The following NLRP2 variants were observed in gnomAD, a reference collection of about 807,000 sequenced individuals.
The protein encoded by NLRP2 is NLR family pyrin domain containing 2.
Under a neutral mutation model 97.2 loss-of-function variants are expected in NLRP2, and 107 were observed. The observed-to-expected ratio is 1.10, with a 90% CI of 0.94 to 1.29. NLRP2 has a LOEUF of 1.29. Ranked by LOEUF, NLRP2 falls within the 50% of genes most tolerant of loss-of-function variation. NLRP2 has a pLI of 0.00. For missense variants in NLRP2, 1,495 were observed against 1,330.3 expected (o/e 1.12, Z -1.93); for synonymous variants, 663 against 551.5 (o/e 1.20, Z -2.83).
intron 12 of NLRP2, among the ~76,000 whole-genome samples, chr19:54,998,066 G>T (rs2072940357): frequency 1.5e-5 from 2 of 136,106 alleles, no homozygotes; most frequent in South Asian, 4.6e-4. Flanking sequence ...TCACTCTGTT[G>T]CCCAGGCTGG....
chr19:54,993,228 A>AAC (rs2072603659), intron 10 of NLRP2: 1 of 151,026 alleles, frequency 6.6e-6, no homozygotes, highest in Admixed American at 6.7e-5. Context: ...AAAAAAAAAA[A>AAC]AAAAAAGTTT....
Position 55,000,801 on chromosome 19 carries a change from T to C in NLRP2, c.3092T>C (p.Leu1031Pro), listed in dbSNP as rs986416135. Residue 1031 changes from leucine to proline, a missense_variant, in exon 13 of 13, where the codon CTG becomes CCG. Coordinates refer to ENST00000448584, the MANE Select transcript of NLRP2 (RefSeq NM_017852.5). ...DDFNDELNKL[L>P]EEIEEKNPQL... is the part of the protein sequence containing the mutation. ...TTTAATGATGAACTCAATAAGCTGC[T>C]GGAAGAAATAGAAGAAAAAAACCCA... The C allele has an allele frequency of 1.2e-6, 2 of 1,613,626 alleles. No homozygotes were observed. Among genetic ancestry groups the C allele is most frequent in the Non-Finnish European group, 1.7e-6 (2 of 1,179,758 alleles).
chr19:54,987,602 C>T (rs28731140), intron 8 of NLRP2, among the ~76,000 whole-genome samples: 1 of 152,010 alleles, frequency 6.6e-6, no homozygotes, highest in Admixed American at 6.6e-5. Context: ...ATTAGCTGGG[C>T]ATGTTGGCGC....
At chr19:54,995,920 C>G (rs1021728169) in intron 11 of NLRP2, among the ~76,000 whole-genome samples, 1 of 151,662 alleles carries the variant, frequency 6.6e-6, no homozygotes, top group African/African-American at 2.4e-5. Context: ...TGTACCTCTG[C>G]TCCCAGTTAC....
intron 12 of NLRP2, among the ~76,000 whole-genome samples, chr19:55,000,066 C>T (rs1166590664): frequency 1.3e-5 from 2 of 151,758 alleles, no homozygotes; most frequent in African/African-American, 4.8e-5. Context: ...AAAAAATAAG[C>T]AAATCAAGCC....
At chr19:54,975,744 G>A (rs549932995) in intron 3 of NLRP2, among the ~76,000 whole-genome samples, 2 of 150,844 alleles carry the variant, frequency 1.3e-5, no homozygotes, top group Non-Finnish European at 3.0e-5. Context: ...GAGCCACCGC[G>A]CCCGGCCCCT....
Position 54,985,221 on chromosome 19 carries a change from A to C in NLRP2, c.2201+4A>C. Reference sequence around the variant, plus strand: ...CCTGTCATCTCCAGAGAGTGGTGTAAGTAGAAACTAATTCATGAACTCAAA... The same window carrying C: ...CCTGTCATCTCCAGAGAGTGGTGTACGTAGAAACTAATTCATGAACTCAAA... On this transcript the variant is annotated splice_donor_region_variant and intron_variant, in intron 7 of 12. Transcript: ENST00000448584. 6.2e-7 allele frequency: 1 copy of C among 1,613,442 alleles called. No individual in the cohort carries two copies. Among genetic ancestry groups the C allele is most frequent in the South Asian group, 1.1e-5 (1 of 91,074 alleles).
Position 54,985,070 on chromosome 19 carries a change from T to C in NLRP2, c.2054T>C (p.Leu685Pro), listed in dbSNP as rs1189013526. 1.2e-6 allele frequency: 2 copies of C among 1,614,166 alleles called. No individual in the cohort carries two copies. Among genetic ancestry groups the C allele is most frequent in the Admixed American group, 1.7e-5 (1 of 59,994 alleles). The change falls in exon 7 of 13, where the codon CTT becomes CCT. Residue 685 changes from leucine to proline, a missense_variant. Coordinates refer to ENST00000448584, the MANE Select transcript of NLRP2 (RefSeq NM_017852.5). ...VERSQDDQHM[L>P]PFWTDLCSIF... Reference sequence around the variant, plus strand: ...AGATCCCAGGATGATCAGCACATGCTTCCTTTCTGGACGGACCTTTGTTCC... The same window carrying C: ...AGATCCCAGGATGATCAGCACATGCCTCCTTTCTGGACGGACCTTTGTTCC...
intron 2 of NLRP2, among the ~76,000 whole-genome samples, chr19:54,970,919 C>A (rs1168500045): frequency 7.0e-6 from 1 of 142,786 alleles, no homozygotes; most frequent in Non-Finnish European, 1.5e-5. Flanking sequence ...GCGCTGCACC[C>A]ACTAACTCGT....
intron 8 of NLRP2, among the ~76,000 whole-genome samples, chr19:54,989,130 G>A (rs145932244): frequency 6.4e-4 from 97 of 151,876 alleles, no homozygotes; most frequent in African/African-American, 2.2e-3. Context: ...TCTAACTTTT[G>A]TATGTTTAGT....
At chr19:54,967,235 C>T (rs556350902) in intron 1 of NLRP2, among the ~76,000 whole-genome samples, 6 of 152,074 alleles carry the variant, frequency 3.9e-5, no homozygotes, top group Non-Finnish European at 7.4e-5. Flanking sequence ...GTAATCGCAG[C>T]GCTTTGGGAG....
chr19:54,967,328 T>G (rs149467239), intron 1 of NLRP2, among the ~76,000 whole-genome samples: 1 of 151,898 alleles, frequency 6.6e-6, no homozygotes, highest in East Asian at 1.9e-4. Flanking sequence ...ACTAAAAATA[T>G]AAAATTAGGT....
At chr19:54,984,500 T>TTTTTTTTTTTTTTTA (rs764786892) in intron 6 of NLRP2, among the ~76,000 whole-genome samples, 1 of 132,852 alleles carries the variant, frequency 7.5e-6, no homozygotes, top group Non-Finnish European at 1.6e-5. Flanking sequence ...TTTTTTTTTT[T>TTTTTTTTTTTTTTTA]GAGACGGAGT....
chr19:55,000,288 T>TGAGA, intron 12 of NLRP2, among the ~76,000 whole-genome samples: 1 of 94,414 alleles, frequency 1.1e-5, no homozygotes, highest in Non-Finnish European at 2.2e-5. Flanking sequence ...TTTTTTTTTT[T>TGAGA]TTTTTTTTTT....
chr19:54,979,919 G>GGT, intron 4 of NLRP2, among the ~76,000 whole-genome samples: 1 of 152,052 alleles, frequency 6.6e-6, no homozygotes. Context: ...TGGGAGTACA[G>GGT]GTGTGTGCCA....
chr19:54,993,387 G>A (rs1455650283), intron 10 of NLRP2: 2 of 151,986 alleles, frequency 1.3e-5, no homozygotes, highest in African/African-American at 4.8e-5. Context: ...GAGATACATG[G>A]GCATTATAGT....
chr19:54,974,159 G>C, intron 2 of NLRP2: 1 of 612,864 alleles, frequency 1.6e-6, no homozygotes, highest in South Asian at 1.5e-5. Context: ...TCTGAGACCA[G>C]CCTGGCCAAA....
In NLRP2 at chr19:54,975,106, G is replaced by GTTTTTTTTTTTTTTTTTTTTTT. The variant is rs558518586; in HGVS notation, c.325+578_325+599dup. 2.9e-4 allele frequency among the ~76,000 whole-genome samples: 17 copies of GTTTTTTTTTTTTTTTTTTTTTT among 58,704 alleles called. 2 individuals carry two copies. The highest frequency in any genetic ancestry group is 5.2e-4 in the Non-Finnish European group (15 of 28,946). 38.5% of individuals were successfully genotyped at this position (58,704 alleles called of 152,430 possible). ...ATGAGCCACCACCACACCCGGTTTT[G>GTTTTTTTTTTTTTTTTTTTTTT]TTTTTTTTTTTTTTTTTTTTTTTTT... On this transcript the variant is annotated intron_variant, in intron 3 of 12. Transcript: ENST00000448584.
chr19:54,987,105 G>C (rs1168294426), intron 8 of NLRP2, among the ~76,000 whole-genome samples: 1 of 151,076 alleles, frequency 6.6e-6, no homozygotes, highest in South Asian at 2.1e-4. Context: ...GGCTGGTCTC[G>C]AACTCATGAC....
Sources: allele counts gnomAD v4.1 joint callset (sites outside exome capture counted in the v4.1 genomes callset), GRCh38; gene constraint gnomAD v4.1.1; transcripts MANE v1.5; gene names NCBI Gene and HGNC (gene_info 2026-07-23, HGNC 2026-07-21).